Variants in SVEP1 observed in about 807,000 individuals in gnomAD.
The protein encoded by SVEP1 is sushi, von Willebrand factor type A, EGF and pentraxin domain-containing protein 1.
In SVEP1, 164 loss-of-function variants were observed where a neutral mutation model predicts 367.3. That is an observed-to-expected ratio of 0.45 (90% CI 0.39 to 0.51). SVEP1 has a LOEUF of 0.51. Ranked by LOEUF, SVEP1 falls within the 20% of genes least tolerant of loss-of-function variation. The probability of loss-of-function intolerance (pLI) is 0.00; values close to 1 mark genes in which losing one functional copy is unlikely to be tolerated. For synonymous variants in SVEP1, 1,666 were observed against 1,611.6 expected (o/e 1.03, Z -0.81); for missense variants, 4,117 against 4,425.3 (o/e 0.93, Z 1.98).
intron 3 of SVEP1, among the ~76,000 whole-genome samples, chr9:110,522,639 C>A (rs181544083): frequency 1.3e-5 from 2 of 152,204 alleles, no homozygotes; most frequent in Admixed American, 1.3e-4. Flanking sequence ...CCCTAATGAC[C>A]CTTGATTTTA....
intron 1 of SVEP1, among the ~76,000 whole-genome samples, chr9:110,551,585 C>A (rs2118853808): frequency 6.6e-6 from 1 of 152,292 alleles, no homozygotes; most frequent in East Asian, 1.9e-4. Flanking sequence ...AGGGTGGCTT[C>A]TGCGACGGAG....
chr9:110,547,222 G>T (rs1453515293), intron 2 of SVEP1, among the ~76,000 whole-genome samples: 1 of 152,142 alleles, frequency 6.6e-6, no homozygotes, highest in South Asian at 2.1e-4. Context: ...AGTGCAACCA[G>T]GTACCCTGGT....
chr9:110,468,000 G>A (rs1168041461), intron 17 of SVEP1, among the ~76,000 whole-genome samples: 1 of 54,050 alleles, frequency 1.9e-5, no homozygotes, highest in Non-Finnish European at 3.2e-5. Flanking sequence ...CTCCTTATTT[G>A]CCTTCTGCCA....
intron 37 of SVEP1, among the ~76,000 whole-genome samples, chr9:110,410,104 A>G (rs546446962): frequency 6.6e-6 from 1 of 152,222 alleles, no homozygotes; most frequent in African/African-American, 2.4e-5. Context: ...CCCTCTTCCA[A>G]TGAAAAGCTA....
rs1829019122 is a variant in SVEP1 at position 110,471,601 on chromosome 9, A to G, written c.2765-4T>C. The G allele has an allele frequency of 6.2e-7, 1 of 1,606,438 alleles. No homozygotes were observed. The highest frequency in any genetic ancestry group is 8.5e-7 in the Non-Finnish European group (1 of 1,174,944). On this transcript the variant is annotated splice_region_variant and splice_polypyrimidine_tract_variant and intron_variant, in intron 15 of 47. Coordinates refer to ENST00000374469, the MANE Select transcript of SVEP1 (RefSeq NM_153366.4). ...TCATCGGGTAATGGCACACTAGCTG[A>G]GATAAAAACAAAATAAAACACAACA... is the stretch of plus-strand genomic sequence containing the variant.
chr9:110,411,010 T>C, intron 37 of SVEP1, 53 bp downstream of exon 37: 1 of 1,458,200 alleles, frequency 6.9e-7, no homozygotes, highest in Non-Finnish European at 9.1e-7. Context: ...TTTATTTATT[T>C]ATTATGGGCC....
At chr9:110,489,543 T>C (rs1829334500) in intron 9 of SVEP1, 107 bp downstream of exon 9, 2 of 1,084,754 alleles carry the variant, frequency 1.8e-6, no homozygotes, top group Non-Finnish European at 1.3e-6. Flanking sequence ...CCCACCTCTA[T>C]GATTCAATTA....
Position 110,404,548 on chromosome 9 carries a change from G to T in SVEP1, c.9445C>A (p.Leu3149Met), listed in dbSNP as rs1827925547. ...TYESEVKLRC[L>M]EGYTMDTDTD... ...TCTGTATCCATCGTATAACCTTCCA[G>T]ACATCTGCAATGGAAATGCAAAAAT... The change falls in exon 39 of 48, where the codon CTG becomes ATG. Residue 3149 changes from leucine (L) to methionine (M), a missense_variant. Physicochemically the swap from Leu to Met is conservative, Grantham distance 15. Transcript: ENST00000374469. 1.2e-6 allele frequency: 2 copies of T among 1,613,774 alleles called. No individual in the cohort carries two copies. Among genetic ancestry groups the T allele is most frequent in the Non-Finnish European group, 8.5e-7 (1 of 1,179,750 alleles).
intron 36 of SVEP1, among the ~76,000 whole-genome samples, chr9:110,423,510 G>T (rs1356527900): frequency 6.6e-6 from 1 of 152,108 alleles, no homozygotes; most frequent in African/African-American, 2.4e-5. Flanking sequence ...ATTTAAGATG[G>T]GAGTGCTGAC....
intron 8 of SVEP1, 139 bp downstream of exon 8, chr9:110,496,676 T>C: frequency 1.8e-6 from 1 of 554,628 alleles, no homozygotes; most frequent in East Asian, 3.1e-5. Flanking sequence ...CATATATACA[T>C]CTATCCTATT....
chr9:110,569,627 A>T (rs985342934), intron 1 of SVEP1, among the ~76,000 whole-genome samples: 5 of 152,220 alleles, frequency 3.3e-5, no homozygotes, highest in Non-Finnish European at 7.3e-5. Flanking sequence ...CGACTCAATC[A>T]TGTAATAAGT....
At chr9:110,400,256 C>T (rs12238662) in intron 40 of SVEP1, among the ~76,000 whole-genome samples, 1 of 152,014 alleles carries the variant, frequency 6.6e-6, no homozygotes, top group Admixed American at 6.5e-5. Context: ...ACCAGCAAGC[C>T]GAAACACAGT....
chr9:110,390,179 GTATA>G (rs1160159895), intron 40 of SVEP1, among the ~76,000 whole-genome samples: 2 of 31,472 alleles, frequency 6.4e-5, no homozygotes, highest in African/African-American at 2.9e-4. Context: ...AAGTATGTAT[GTATA>G]TATACACTTA....
At chr9:110,452,487 A>AAG (rs1828708024) in intron 22 of SVEP1, among the ~76,000 whole-genome samples, 1 of 152,228 alleles carries the variant, frequency 6.6e-6, no homozygotes, top group Admixed American at 6.5e-5. Flanking sequence ...AACCATAGGC[A>AAG]GACGGTGGAG....
chr9:110,392,637 C>A (rs1430457498), intron 40 of SVEP1, among the ~76,000 whole-genome samples: 1 of 152,110 alleles, frequency 6.6e-6, no homozygotes, highest in African/African-American at 2.4e-5. Context: ...GTTTGGTTAT[C>A]TAGTCAAACA....
At chr9:110,542,207 A>T (rs981889239) in intron 3 of SVEP1, among the ~76,000 whole-genome samples, 1 of 152,074 alleles carries the variant, frequency 6.6e-6, no homozygotes, top group Non-Finnish European at 1.5e-5. Flanking sequence ...CAGCAGTGTG[A>T]TATCTTGGAA....
intron 47 of SVEP1, chr9:110,369,698 C>T (rs1205707801): frequency 7.8e-6 from 4 of 513,772 alleles, no homozygotes; most frequent in Non-Finnish European, 1.4e-5. Context: ...GAAGTGAGCA[C>T]AAGACTGCTT....
chr9:110,476,435 C>G (rs543260277), intron 13 of SVEP1, 120 bp from the exon 14 acceptor site: 1 of 714,992 alleles, frequency 1.4e-6, no homozygotes, highest in African/African-American at 1.8e-5. Flanking sequence ...GGCCCCAGAG[C>G]TCTGCACATT....
intron 46 of SVEP1, among the ~76,000 whole-genome samples, chr9:110,374,993 T>C (rs1188140674): frequency 6.6e-6 from 1 of 152,052 alleles, no homozygotes; most frequent in African/African-American, 2.4e-5. Context: ...ATTGTATTTA[T>C]GTATAACCTT....
Sources: gnomAD v4.1 joint callset for allele counts (sites outside exome capture counted in the v4.1 genomes callset) on GRCh38, gnomAD v4.1.1 for gene constraint, MANE v1.5 for transcripts, NCBI Gene and HGNC (gene_info 2026-07-23, HGNC 2026-07-21) for gene names.